AXDND1: variants seen among roughly 807,000 people sequenced by gnomAD.
The protein encoded by AXDND1 is axonemal dynein light chain domain containing 1, also known as axonemal dynein light chain domain-containing protein 1.
In AXDND1, 110 loss-of-function variants were observed where a neutral mutation model predicts 137.5. That is an observed-to-expected ratio of 0.80 (90% CI 0.69 to 0.94). The LOEUF (loss-of-function observed/expected upper bound fraction) is 0.94, where lower values mean the gene tolerates loss of function less well. AXDND1 is among the 40% of genes least tolerant of loss of function. The probability of loss-of-function intolerance (pLI) is 0.00; values close to 1 mark genes in which losing one functional copy is unlikely to be tolerated. For missense variants in AXDND1, 1,191 were observed against 1,169.8 expected, an observed-to-expected ratio of 1.02 and a Z score of -0.26; for synonymous variants, 414 against 399.7, an observed-to-expected ratio of 1.04 and a Z score of -0.43.
chr1:179,465,423 G>T lies in AXDND1; in HGVS notation c.1799-3020G>T, dbSNP rs150934055. 1.6e-3 allele frequency among the ~76,000 whole-genome samples: 249 copies of T among 152,362 alleles called. 1 individual carries two copies. The highest frequency in any genetic ancestry group is 3.0e-3 in the Non-Finnish European group (201 of 68,036). On this transcript the variant is annotated intron_variant, in intron 16 of 25. Transcript: ENST00000367618. ...GTTTGCCTGGGTATCACCAGCGGAGGCTGCAGAACAGCAAATATTGCAGAA... is the reference window on the plus strand; with the variant it reads ...GTTTGCCTGGGTATCACCAGCGGAGTCTGCAGAACAGCAAATATTGCAGAA...
At chr1:179,417,698 C>T (rs975996192) in intron 12 of AXDND1, among the ~76,000 whole-genome samples, 1 of 151,560 alleles carries the variant, frequency 6.6e-6, no homozygotes, top group African/African-American at 2.4e-5. Flanking sequence ...TTATTTGGGG[C>T]CTTTTGTGGT....
intron 21 of AXDND1, among the ~76,000 whole-genome samples, chr1:179,509,938 T>C (rs914178022): frequency 2.0e-5 from 3 of 152,194 alleles, no homozygotes; most frequent in Admixed American, 2.0e-4. Flanking sequence ...TCCATCATAA[T>C]CAATTTGTTT....
chr1:179,397,967 A>G (rs1394099266), intron 11 of AXDND1, among the ~76,000 whole-genome samples: 1 of 152,106 alleles, frequency 6.6e-6, no homozygotes, highest in African/African-American at 2.4e-5. Context: ...ATTCCTATCC[A>G]TAGCATGAAT....
In AXDND1 at chr1:179,554,649, T is replaced by C; in HGVS notation, c.*130T>C. On this transcript the variant is annotated 3_prime_UTR_variant, in exon 26 of 26. Transcript: ENST00000367618. ...CAACATTCCCTTTGAAAGGACATTA[T>C]TTGCCTGTTGTATTTAACTTCACAG... is the stretch of plus-strand genomic sequence containing the variant. The C allele has an allele frequency of 1.4e-6, 2 of 1,418,580 alleles. No individual in the cohort carries two copies. Among genetic ancestry groups the C allele is most frequent in the Admixed American group, 1.7e-5 (1 of 57,444 alleles). The allele number at this position is 1,418,580 out of a possible 1,614,324, so 87.9% of individuals were successfully genotyped here.
intron 21 of AXDND1, among the ~76,000 whole-genome samples, chr1:179,510,424 A>C (rs1668923925): frequency 6.7e-6 from 1 of 149,066 alleles, no homozygotes; most frequent in South Asian, 2.2e-4. Flanking sequence ...AAGAAGGGGA[A>C]GGTTCTATCT....
At chr1:179,480,161 A>G (rs2125529250) in intron 17 of AXDND1, among the ~76,000 whole-genome samples, 1 of 152,280 alleles carries the variant, frequency 6.6e-6, no homozygotes, top group East Asian at 1.9e-4. Flanking sequence ...CACTCCAGGT[A>G]CCGATTTACT....
At chr1:179,514,307 G>A (rs113262069) in intron 21 of AXDND1, among the ~76,000 whole-genome samples, 4,584 of 152,060 alleles carry the variant, frequency 0.03, 214 homozygotes, top group African/African-American at 0.1. Context: ...TTTAATTTCC[G>A]TCTGAGTTTT....
chr1:179,512,237 G>A (rs573988721), intron 21 of AXDND1, among the ~76,000 whole-genome samples: 17 of 152,230 alleles, frequency 1.1e-4, no homozygotes, highest in African/African-American at 4.1e-4. Flanking sequence ...GTTGATTTTT[G>A]TATAAGGTGA....
chr1:179,459,962 T>C (rs528055246), intron 16 of AXDND1, among the ~76,000 whole-genome samples: 1 of 66,036 alleles, frequency 1.5e-5, no homozygotes, highest in African/African-American at 3.9e-5. Flanking sequence ...TTCTTCCTTC[T>C]TTCTTTCTTT....
At chr1:179,373,261 A>G (rs529645789) in intron 4 of AXDND1, among the ~76,000 whole-genome samples, 2 of 152,330 alleles carry the variant, frequency 1.3e-5, no homozygotes, top group African/African-American at 4.8e-5. Flanking sequence ...TAGGAATCCA[A>G]CTTACAAGGA....
intron 15 of AXDND1, 119 bp downstream of exon 15, chr1:179,432,461 T>C (rs1328983404): frequency 6.7e-6 from 9 of 1,347,422 alleles, no homozygotes; most frequent in Non-Finnish European, 8.8e-6. Context: ...TCTCACTCAC[T>C]GTCGCCCAGG....
intron 4 of AXDND1, among the ~76,000 whole-genome samples, chr1:179,376,399 G>A (rs1228083822): frequency 2.0e-5 from 3 of 152,138 alleles, no homozygotes; most frequent in Non-Finnish European, 4.4e-5. Context: ...GGTGAATACT[G>A]TATTTTCAGT....
At chr1:179,519,598 C>T (rs969411587) in intron 21 of AXDND1, among the ~76,000 whole-genome samples, 1 of 152,180 alleles carries the variant, frequency 6.6e-6, no homozygotes, top group Non-Finnish European at 1.5e-5. Flanking sequence ...TTTCAGTTTT[C>T]TCCATATGGC....
At chr1:179,549,838 G>C (rs1417118209) in intron 25 of AXDND1, among the ~76,000 whole-genome samples, 3 of 151,924 alleles carry the variant, frequency 2.0e-5, no homozygotes, top group African/African-American at 4.8e-5. Context: ...CCCTTTAAAT[G>C]GGCTAAACCA....
intron 21 of AXDND1, among the ~76,000 whole-genome samples, chr1:179,521,823 A>C (rs1242112178): frequency 6.8e-6 from 1 of 146,300 alleles, no homozygotes. Context: ...TTCTCTCAGC[A>C]CATCGTTATT....
chr1:179,404,051 TGTAA>T (rs1652539613), intron 11 of AXDND1, among the ~76,000 whole-genome samples: 1 of 152,238 alleles, frequency 6.6e-6, no homozygotes, highest in Non-Finnish European at 1.5e-5. Context: ...ATGTATGGTC[TGTAA>T]GTGTTTGTGT....
chr1:179,537,770 C>T (rs986454341), intron 25 of AXDND1, among the ~76,000 whole-genome samples: 3 of 152,092 alleles, frequency 2.0e-5, no homozygotes, highest in African/African-American at 7.2e-5. Context: ...AGGAATGGTA[C>T]CTGCTCCTCT....
chr1:179,519,791 C>G (rs1448846664), intron 21 of AXDND1, among the ~76,000 whole-genome samples: 3 of 152,142 alleles, frequency 2.0e-5, no homozygotes, highest in African/African-American at 4.8e-5. Context: ...GTTACTGTAG[C>G]CCTGTACTAT....
chr1:179,552,082 C>G (rs1477229885), intron 25 of AXDND1: 1 of 168,838 alleles, frequency 5.9e-6, no homozygotes, highest in Non-Finnish European at 1.3e-5. Flanking sequence ...GCCCCCTCAC[C>G]CACACCTCAG....
Sources: gnomAD v4.1 joint callset for allele counts (sites outside exome capture counted in the v4.1 genomes callset) on GRCh38, gnomAD v4.1.1 for gene constraint, MANE v1.5 for transcripts, NCBI Gene and HGNC (gene_info 2026-07-23, HGNC 2026-07-21) for gene names.